The following SEM1 variants were observed in gnomAD, a reference collection of about 807,000 sequenced individuals.
SEM1 encodes SEM1 26S proteasome subunit, also known as 26S proteasome complex subunit SEM1.
Under a neutral mutation model 12.7 loss-of-function variants are expected in SEM1, and 3 were observed. That is an observed-to-expected ratio of 0.24 (90% CI 0.11 to 0.61). The LOEUF is 0.61. Ranked by LOEUF, SEM1 falls within the 20% of genes least tolerant of loss-of-function variation. The pLI is 0.88. For missense variants in SEM1, 59 were observed against 81.3 expected (o/e 0.73, Z 1.06); for synonymous variants, 30 against 27.8 (o/e 1.08, Z -0.25).
At chr7:96,606,789 G>T (rs1388831602) in intron 2 of SEM1, among the ~76,000 whole-genome samples, 1 of 152,074 alleles carries the variant, frequency 6.6e-6, no homozygotes, top group Non-Finnish European at 1.5e-5. Context: ...AGGCACATTT[G>T]TACCATTTTC....
intron 2 of SEM1, among the ~76,000 whole-genome samples, chr7:96,575,907 T>C (rs560091140): frequency 6.6e-6 from 1 of 152,366 alleles, no homozygotes; most frequent in South Asian, 2.1e-4. Context: ...TTACTTATTT[T>C]GATCTACTTG....
intron 2 of SEM1, among the ~76,000 whole-genome samples, chr7:96,629,890 G>T (rs1352945042): frequency 1.3e-5 from 2 of 152,188 alleles, no homozygotes; most frequent in African/African-American, 4.8e-5. Context: ...ACTCATAGAG[G>T]TACTGCCTTG....
chr7:96,567,968 A>G (rs1805900415), intron 2 of SEM1, among the ~76,000 whole-genome samples: 1 of 151,350 alleles, frequency 6.6e-6, no homozygotes, highest in Admixed American at 6.6e-5. Context: ...ACACACACAC[A>G]TTTAGTATCC....
At chr7:96,548,048 CA>C (rs1244951643) in intron 2 of SEM1, among the ~76,000 whole-genome samples, 3 of 152,078 alleles carry the variant, frequency 2.0e-5, no homozygotes, top group Non-Finnish European at 4.4e-5. Flanking sequence ...GGTTCACTTT[CA>C]AACATGAGGT....
intron 2 of SEM1, among the ~76,000 whole-genome samples, chr7:96,536,927 C>T (rs1235163505): frequency 6.6e-6 from 1 of 151,736 alleles, no homozygotes; most frequent in Non-Finnish European, 1.5e-5. Context: ...ACTATTGGTA[C>T]AGTTGGATTA....
intron 2 of SEM1, among the ~76,000 whole-genome samples, chr7:96,614,440 G>C (rs1002602068): frequency 2.6e-5 from 4 of 152,200 alleles, no homozygotes; most frequent in African/African-American, 9.6e-5. Context: ...ATTAGCTCCA[G>C]CTTCAAGATG....
intron 1 of SEM1, among the ~76,000 whole-genome samples, chr7:96,492,585 A>AT (rs59252542): frequency 0.031 from 2,472 of 79,686 alleles, 141 homozygotes; most frequent in Non-Finnish European, 0.043. Context: ...AATTTTTTGT[A>AT]TTTTTTTTTT....
intron 2 of SEM1, among the ~76,000 whole-genome samples, chr7:96,594,157 C>T (rs758090244): frequency 3.3e-5 from 5 of 152,006 alleles, no homozygotes; most frequent in Non-Finnish European, 4.4e-5. Context: ...TGTCAGCCCC[C>T]AAAAATGTGC....
intron 2 of SEM1, among the ~76,000 whole-genome samples, chr7:96,552,813 A>G (rs1252415665): frequency 6.6e-6 from 1 of 151,844 alleles, no homozygotes; most frequent in Non-Finnish European, 1.5e-5. Context: ...TCCCACCAAC[A>G]GTATAAAAGT....
intron 2 of SEM1, among the ~76,000 whole-genome samples, chr7:96,526,212 T>C (rs1804460275): frequency 6.6e-6 from 1 of 152,140 alleles, no homozygotes; most frequent in Admixed American, 6.5e-5. Context: ...TTTTCAGACA[T>C]TGATATGACT....
chr7:96,533,364 A>C (rs542701673), intron 2 of SEM1, among the ~76,000 whole-genome samples: 1 of 152,198 alleles, frequency 6.6e-6, no homozygotes, highest in South Asian at 2.1e-4. Context: ...GAGTCATCAA[A>C]GATGATCATT....
At chr7:96,687,337 G>A (rs547226059), downstream of SEM1, among the ~76,000 whole-genome samples, 899 of 152,242 alleles carry the variant, frequency 5.9e-3, 2 homozygotes, top group Non-Finnish European at 9.5e-3. Context: ...ACATGCACAC[G>A]TATGTTTATT....
intron 2 of SEM1, among the ~76,000 whole-genome samples, chr7:96,557,792 C>T (rs943934132): frequency 1.3e-5 from 2 of 152,042 alleles, no homozygotes; most frequent in East Asian, 1.9e-4. Flanking sequence ...CCCCCAGCCT[C>T]GCTGCCGCCT....
intron 2 of SEM1, among the ~76,000 whole-genome samples, chr7:96,668,256 C>T (rs566774047): frequency 1.2e-4 from 19 of 152,116 alleles, no homozygotes; most frequent in East Asian, 3.9e-4. Context: ...TTGTTTTGTA[C>T]GGCTGTCACT....
chr7:96,607,780 C>A (rs907118098), intron 2 of SEM1, among the ~76,000 whole-genome samples: 1 of 152,136 alleles, frequency 6.6e-6, no homozygotes, highest in African/African-American at 2.4e-5. Flanking sequence ...GCTTTCCTTT[C>A]CAATGGGATT....
At chr7:96,627,156 T>C (rs1308541977) in intron 2 of SEM1, among the ~76,000 whole-genome samples, 1 of 152,098 alleles carries the variant, frequency 6.6e-6, no homozygotes, top group Non-Finnish European at 1.5e-5. Flanking sequence ...CTTCTCTTTT[T>C]TCTCAGTTAT....
At chr7:96,527,257 T>C (rs560306135) in intron 2 of SEM1, among the ~76,000 whole-genome samples, 1 of 152,224 alleles carries the variant, frequency 6.6e-6, no homozygotes, top group South Asian at 2.1e-4. Context: ...CCTAACACAA[T>C]GACACGTGAC....
At chr7:96,593,022 G>T (rs1309655333) in intron 2 of SEM1, among the ~76,000 whole-genome samples, 5 of 133,886 alleles carry the variant, frequency 3.7e-5, no homozygotes, top group Non-Finnish European at 8.0e-5. Flanking sequence ...AAAAAAAAAG[G>T]CACACTTTCT....
chr7:96,600,749 G>C (rs1807174101), intron 2 of SEM1, among the ~76,000 whole-genome samples: 1 of 152,190 alleles, frequency 6.6e-6, no homozygotes, highest in African/African-American at 2.4e-5. Flanking sequence ...CAACAACAGA[G>C]GAGGTAGGTA....
Sources: gnomAD v4.1 joint callset for allele counts (sites outside exome capture counted in the v4.1 genomes callset) on GRCh38, gnomAD v4.1.1 for gene constraint, MANE v1.5 for transcripts, NCBI Gene and HGNC (gene_info 2026-07-23, HGNC 2026-07-21) for gene names.